Variants in SLC17A3 observed in about 807,000 individuals in gnomAD.
SLC17A3 encodes the protein sodium-dependent phosphate transport protein 4.
SLC17A3 carries 61 observed loss-of-function variants against 60.3 expected under a neutral mutation model. The ratio of observed to expected loss-of-function variants is 1.01; its 90% confidence interval spans 0.82 to 1.25. The LOEUF (loss-of-function observed/expected upper bound fraction) is 1.25, where lower values mean the gene tolerates loss of function less well. Ranked by LOEUF, SLC17A3 falls within the 50% of genes most tolerant of loss-of-function variation. The pLI is 0.00. For missense variants in SLC17A3, 624 were observed against 594.9 expected (o/e 1.05, Z -0.51); for synonymous variants, 192 against 208.9 (o/e 0.92, Z 0.70).
intron 1 of SLC17A3, among the ~76,000 whole-genome samples, chr6:25,870,035 T>G (rs1765616225): frequency 6.6e-6 from 1 of 152,012 alleles, no homozygotes; most frequent in Non-Finnish European, 1.5e-5. Flanking sequence ...AAAACTGCAT[T>G]GTTTGCAGTT....
intron 5 of SLC17A3, 124 bp downstream of exon 5, chr6:25,861,500 T>C (rs1243320798): frequency 6.1e-6 from 5 of 820,760 alleles, no homozygotes; most frequent in Non-Finnish European, 1.0e-5. Context: ...ACCAGTCTTT[T>C]TAATTTAAAA....
intron 5 of SLC17A3, among the ~76,000 whole-genome samples, chr6:25,860,938 C>T (rs77892535): frequency 0.042 from 6,453 of 152,174 alleles, 386 homozygotes; most frequent in African/African-American, 0.13. Flanking sequence ...TTAGAGTGTG[C>T]TGTCAGTCAG....
In SLC17A3 at chr6:25,849,947, G is replaced by C; in HGVS notation, c.1129C>G (p.Leu377Val). 6.2e-7 allele frequency: 1 copy of C among 1,613,972 alleles called. No homozygotes were observed. Among genetic ancestry groups the C allele is most frequent in the Non-Finnish European group, 8.5e-7 (1 of 1,179,862 alleles). The change falls in exon 10 of 13, where the codon CTC (leucine) becomes GTC (valine). Residue 377 changes from leucine (L) to valine (V), a missense_variant. By Grantham distance (32) the Leu-to-Val change is conservative. Coordinates refer to ENST00000397060, the MANE Select transcript of SLC17A3 (RefSeq NM_001098486.2). ...VRKIATILGS[L>V]PSSALIVSLP... ...GACACAATGAGTGCTGAAGAGGGGA[G>C]ACTTCCTAGGAAATGAAGAAGAAAC...
intron 1 of SLC17A3, among the ~76,000 whole-genome samples, chr6:25,870,195 T>C (rs1010028018): frequency 1.3e-4 from 19 of 151,982 alleles, no homozygotes; most frequent in African/African-American, 4.3e-4. Context: ...GATCTTGGCA[T>C]TGGGCATTCT....
At chr6:25,861,599 A>T (rs752813464) in intron 5 of SLC17A3, 25 bp downstream of exon 5, 1 of 1,584,030 alleles carries the variant, frequency 6.3e-7, no homozygotes, top group South Asian at 1.1e-5. Flanking sequence ...ATTGTAGTGT[A>T]CCCATTTGGA....
chr6:25,853,264 T>G (rs1765307706), intron 6 of SLC17A3, among the ~76,000 whole-genome samples: 1 of 148,946 alleles, frequency 6.7e-6, no homozygotes, highest in Non-Finnish European at 1.5e-5. Flanking sequence ...TTTTCTTTCC[T>G]TTCTCTCTCT....
intron 6 of SLC17A3, among the ~76,000 whole-genome samples, chr6:25,852,982 C>T (rs912598081): frequency 6.6e-6 from 1 of 152,090 alleles, no homozygotes; most frequent in South Asian, 2.1e-4. Context: ...AAATAGTTTG[C>T]CCCTTTTAGG....
At chr6:25,850,646 C>A in intron 7 of SLC17A3, 26 bp from the exon 8 acceptor site, 1 of 1,613,732 alleles carries the variant, frequency 6.2e-7, no homozygotes, top group South Asian at 1.1e-5. Flanking sequence ...CTGGTCATAA[C>A]GGTAAATCCG....
intron 8 of SLC17A3, 58 bp from the exon 9 acceptor site, chr6:25,850,235 G>T: frequency 6.5e-7 from 1 of 1,546,518 alleles, no homozygotes; most frequent in Non-Finnish European, 8.9e-7. Context: ...CACAACTTTT[G>T]TTGATAAATT....
At chr6:25,868,602 G>T in intron 1 of SLC17A3, 182 bp from the exon 2 acceptor site, 2 of 551,752 alleles carry the variant, frequency 3.6e-6, no homozygotes, top group Admixed American at 3.1e-5. Context: ...GTTTGGAATT[G>T]TTTATTTATT....
intron 5 of SLC17A3, among the ~76,000 whole-genome samples, chr6:25,859,273 G>A (rs150091725): frequency 1.1e-4 from 16 of 152,280 alleles, no homozygotes; most frequent in African/African-American, 3.6e-4. Context: ...TTAAACATGA[G>A]TCTCTGAACA....
At chr6:25,855,343 G>A in intron 5 of SLC17A3, 113 bp from the exon 6 acceptor site, 1 of 731,494 alleles carries the variant, frequency 1.4e-6, no homozygotes, top group Non-Finnish European at 2.4e-6. Flanking sequence ...AAGGAGACGA[G>A]CATATTAGAA....
chr6:25,864,994 CA>C (rs1211778186), intron 2 of SLC17A3, among the ~76,000 whole-genome samples: 1 of 151,870 alleles, frequency 6.6e-6, no homozygotes, highest in African/African-American at 2.4e-5. Context: ...GCCAAGGGGA[CA>C]AGAGTTTCAG....
chr6:25,856,342 T>A (rs960598180), intron 5 of SLC17A3, among the ~76,000 whole-genome samples: 8 of 152,154 alleles, frequency 5.3e-5, no homozygotes, highest in Non-Finnish European at 1.5e-5. Flanking sequence ...GCTCAAGCAA[T>A]CCTTCCACAT....
chr6:25,862,312 T>G lies in SLC17A3; in HGVS notation c.224A>C (p.Gln75Pro). ...CAGCACCTCAGAGGAATCATTGAGC[T>G]GGGATTGAGGGCTTGTGCTGTTGAC... ...AMVNSTSPQS[Q>P]LNDSSEVLPV... The change falls in exon 3 of 13, where the codon CAG becomes CCG. Residue 75 changes from glutamine to proline, a missense_variant. Gln to Pro is a moderately conservative substitution (Grantham distance 76, BLOSUM62 -1). Coordinates refer to ENST00000397060, the MANE Select transcript of SLC17A3 (RefSeq NM_001098486.2). 1 of 1,613,858 alleles carries G rather than the reference T, an allele frequency of 6.2e-7. No homozygotes were observed. Among genetic ancestry groups the G allele is most frequent in the East Asian group, 2.2e-5 (1 of 44,872 alleles).
In SLC17A3 at chr6:25,868,228, T is replaced by C. The variant is rs1765569981; in HGVS notation, c.91+69A>G. On this transcript the variant is annotated intron_variant, in intron 2 of 12. Transcript: ENST00000397060. ...AACTTAAAAATCACAAATTCATTTT[T>C]ATAGTAATACGTTGACAAAAAGAAT... The C allele has an allele frequency of 7.3e-6, 8 of 1,093,838 alleles. No individual in the cohort carries two copies. In the South Asian group the frequency reaches 1.0e-4, roughly 14 times the overall value. 67.8% of individuals were successfully genotyped at this position (1,093,838 alleles called of 1,614,324 possible).
intron 1 of SLC17A3, among the ~76,000 whole-genome samples, chr6:25,871,123 G>A (rs1395821709): frequency 6.6e-6 from 1 of 151,972 alleles, no homozygotes; most frequent in African/African-American, 2.4e-5. Flanking sequence ...ATTTGACCCA[G>A]CCATCCCATT....
At chr6:25,860,297 A>T (rs1374233438) in intron 5 of SLC17A3, among the ~76,000 whole-genome samples, 1 of 141,310 alleles carries the variant, frequency 7.1e-6, no homozygotes, top group Non-Finnish European at 1.6e-5. Context: ...AGGCTCCCTT[A>T]GAAGACAGTA....
At chr6:25,847,017 A>T (rs947094851) in intron 11 of SLC17A3, among the ~76,000 whole-genome samples, 1 of 151,550 alleles carries the variant, frequency 6.6e-6, no homozygotes, top group Non-Finnish European at 1.5e-5. Flanking sequence ...ATATTTCATC[A>T]CCCAGGTACT....
Sources: gnomAD v4.1 joint callset for allele counts (sites outside exome capture counted in the v4.1 genomes callset) on GRCh38, gnomAD v4.1.1 for gene constraint, MANE v1.5 for transcripts, NCBI Gene and HGNC (gene_info 2026-07-23, HGNC 2026-07-21) for gene names.